The following CNTLN variants were observed in gnomAD, a reference collection of about 807,000 sequenced individuals.
CNTLN encodes the protein centlein.
A neutral mutation model predicts 180.0 loss-of-function variants in CNTLN; 212 were observed. The ratio of observed to expected loss-of-function variants is 1.18; its 90% CI spans 1.05 to 1.32. The LOEUF is 1.32. Ranked by LOEUF, CNTLN falls within the 40% of genes most tolerant of loss-of-function variation. CNTLN has a pLI of 0.00. For missense variants in CNTLN, 2,095 were observed against 1,610.9 expected (o/e 1.30, Z -5.14); for synonymous variants, 722 against 563.1 (o/e 1.28, Z -3.99).
chr9:17,336,014 G>T (rs1259805288), intron 10 of CNTLN, among the ~76,000 whole-genome samples: 2 of 150,970 alleles, frequency 1.3e-5, no homozygotes, highest in African/African-American at 2.4e-5. Context: ...ATGTTTTATT[G>T]AATGATCTAA....
downstream of CNTLN, among the ~76,000 whole-genome samples, chr9:17,505,013 G>C (rs1435940429): frequency 6.6e-6 from 1 of 151,974 alleles, no homozygotes; most frequent in Non-Finnish European, 1.5e-5. Flanking sequence ...GAGGGATATT[G>C]GTCAAAAGAT....
chr9:17,496,450 T>G (rs4289907), intron 25 of CNTLN, among the ~76,000 whole-genome samples: 2 of 152,188 alleles, frequency 1.3e-5, no homozygotes, highest in African/African-American at 2.4e-5. Context: ...CTATCTCTTT[T>G]TATAAGGCTA....
intron 5 of CNTLN, among the ~76,000 whole-genome samples, chr9:17,238,249 G>A (rs1437387366): frequency 6.6e-6 from 1 of 152,074 alleles, no homozygotes; most frequent in Non-Finnish European, 1.5e-5. Flanking sequence ...GTGAATTTTG[G>A]TAGTCATTTT....
intron 3 of CNTLN, among the ~76,000 whole-genome samples, chr9:17,231,040 G>A (rs1824782580): frequency 6.6e-6 from 1 of 152,042 alleles, no homozygotes; most frequent in African/African-American, 2.4e-5. Context: ...AATTTTGGGA[G>A]CGTTGGTTTG....
intron 23 of CNTLN, among the ~76,000 whole-genome samples, chr9:17,473,704 C>T (rs1357410220): frequency 6.6e-6 from 1 of 152,004 alleles, no homozygotes; most frequent in Non-Finnish European, 1.5e-5. Flanking sequence ...AAAAGTGATA[C>T]CTATTCTCTA....
At chr9:17,247,779 C>CTT (rs572267371) in intron 5 of CNTLN, among the ~76,000 whole-genome samples, 15,408 of 108,168 alleles carry the variant, frequency 0.14, 1,479 homozygotes, top group African/African-American at 0.28. Context: ...AATACTTTTA[C>CTT]TTTTTTTTTT....
At chr9:17,350,556 C>T (rs1410423965) in intron 12 of CNTLN, among the ~76,000 whole-genome samples, 4 of 152,032 alleles carry the variant, frequency 2.6e-5, no homozygotes, top group Non-Finnish European at 4.4e-5. Context: ...AAAGAGGTAA[C>T]GCAAATCTCT....
chr9:17,327,589 T>G (rs13293083), intron 8 of CNTLN, among the ~76,000 whole-genome samples: 1 of 151,692 alleles, frequency 6.6e-6, no homozygotes, highest in Non-Finnish European at 1.5e-5. Flanking sequence ...TATATTTCCC[T>G]TACCTATACT....
At chr9:17,168,427 T>C (rs1032169766) in intron 2 of CNTLN, 1 of 152,176 alleles carries the variant, frequency 6.6e-6, no homozygotes, top group Non-Finnish European at 1.5e-5. Context: ...AATGAATACA[T>C]TTATGGATGG....
intron 6 of CNTLN, among the ~76,000 whole-genome samples, chr9:17,287,918 C>T (rs1829093134): frequency 1.4e-5 from 2 of 144,842 alleles, no homozygotes; most frequent in Admixed American, 6.8e-5. Context: ...ATTAGTCTTG[C>T]TAGTGGTCTA....
At chr9:17,247,779 C>CTTTTTTTTT (rs572267371) in intron 5 of CNTLN, among the ~76,000 whole-genome samples, 1 of 108,474 alleles carries the variant, frequency 9.2e-6, no homozygotes, top group Non-Finnish European at 2.0e-5. Context: ...AATACTTTTA[C>CTTTTTTTTT]TTTTTTTTTT....
chr9:17,440,309 C>T (rs138549307), intron 18 of CNTLN, among the ~76,000 whole-genome samples: 1 of 151,190 alleles, frequency 6.6e-6, no homozygotes, highest in Non-Finnish European at 1.5e-5. Context: ...CATGGTGGCT[C>T]AAGCCTGTAA....
At chr9:17,345,207 A>G (rs962203494) in intron 12 of CNTLN, among the ~76,000 whole-genome samples, 1 of 152,168 alleles carries the variant, frequency 6.6e-6, no homozygotes, top group African/African-American at 2.4e-5. Flanking sequence ...TTATTTTTTA[A>G]GGGAAATGCC....
intron 8 of CNTLN, among the ~76,000 whole-genome samples, chr9:17,325,764 G>A (rs539630438): frequency 5.7e-4 from 86 of 152,102 alleles, no homozygotes; most frequent in South Asian, 1.9e-3. Context: ...AAAATGCTTA[G>A]CCAGAGGTAG....
chr9:17,330,582 T>A lies in CNTLN; in HGVS notation c.1342-50T>A, dbSNP rs1334378141. The A allele has an allele frequency of 5.2e-6, 5 of 964,602 alleles. No individual in the cohort carries two copies. In the South Asian group the frequency reaches 1.1e-4, roughly 20 times the overall value. The allele number at this position is 964,602 out of a possible 1,614,324, so 59.8% of individuals were successfully genotyped here. On this transcript the variant is annotated intron_variant, in intron 8 of 25. Transcript: ENST00000380647. ...CATTTAACTATTTATTTATAAATAA[T>A]GTAAGATACAAACATAGATATCTAT...
At chr9:17,273,558 G>T (rs1828088221) in intron 5 of CNTLN, among the ~76,000 whole-genome samples, 175 bp from the exon 6 acceptor site, 1 of 151,896 alleles carries the variant, frequency 6.6e-6, no homozygotes, top group Non-Finnish European at 1.5e-5. Flanking sequence ...GTTTTTGAAA[G>T]AAAAAATCTG....
intron 23 of CNTLN, among the ~76,000 whole-genome samples, chr9:17,467,422 C>G (rs1221336963): frequency 1.3e-5 from 2 of 151,606 alleles, no homozygotes; most frequent in Admixed American, 6.6e-5. Context: ...CTTCATTCCC[C>G]TAGACATAGA....
Position 17,476,029 on chromosome 9 carries a change from A to G in CNTLN, c.3856-8266A>G, listed in dbSNP as rs1832322497. ...TACCTCAAGCAAATCTGCCAGCTCT[A>G]TTTTTTTTTCCAACAGTGTGTGCTC... On this transcript the variant is annotated intron_variant, in intron 23 of 25. Coordinates refer to ENST00000380647, the MANE Select transcript of CNTLN (RefSeq NM_017738.4). 2.0e-5 allele frequency among the ~76,000 whole-genome samples: 3 copies of G among 150,142 alleles called. No individual in the cohort carries two copies. The South Asian group carries it at 6.4e-4, about 32-fold the overall frequency.
At chr9:17,278,449 T>C (rs181161413) in intron 6 of CNTLN, among the ~76,000 whole-genome samples, 1 of 152,102 alleles carries the variant, frequency 6.6e-6, no homozygotes, top group East Asian at 1.9e-4. Flanking sequence ...TCCCAGAGTG[T>C]GGTGTGTCAT....
Sources: allele counts gnomAD v4.1 joint callset (sites outside exome capture counted in the v4.1 genomes callset), GRCh38; gene constraint gnomAD v4.1.1; transcripts MANE v1.5; gene names NCBI Gene and HGNC (gene_info 2026-07-23, HGNC 2026-07-21).